AADAT: variants seen among roughly 807,000 people sequenced by gnomAD.
AADAT encodes the protein aminoadipate aminotransferase, also known as kynurenine/alpha-aminoadipate aminotransferase, mitochondrial.
Under a neutral mutation model 56.2 loss-of-function variants are expected in AADAT, and 25 were observed. The ratio of observed to expected loss-of-function variants is 0.44; its 90% CI spans 0.32 to 0.62. The LOEUF (loss-of-function observed/expected upper bound fraction) is 0.62. Ranked by LOEUF, AADAT falls within the 20% of genes least tolerant of loss-of-function variation. The pLI is 0.04. For synonymous variants in AADAT, 173 were observed against 164.7 expected (o/e 1.05, Z -0.39); for missense variants, 387 against 510.5 (o/e 0.76, Z 2.33).
chr4:170,070,246 G>A (rs1731694149), intron 6 of AADAT, among the ~76,000 whole-genome samples: 1 of 151,436 alleles, frequency 6.6e-6, no homozygotes, highest in African/African-American at 2.4e-5. Context: ...TCACATCCCT[G>A]GGTGATGTTT....
intron 2 of AADAT, 121 bp downstream of exon 2, chr4:170,088,275 A>G: frequency 1.9e-6 from 2 of 1,078,734 alleles, no homozygotes; most frequent in Non-Finnish European, 2.6e-6. Context: ...AAATGGGTCA[A>G]TGGCTTTAGA....
rs1040775617 is a variant in AADAT, at chr4:170,089,659, C to T, written c.32G>A (p.Ser11Asn). MNYARFITAA[S>N]AARNPSPIRT... is the part of the protein sequence containing the mutation. ...GATGGGAGAAGGGTTTCTGGCTGCG[C>T]TCGCTGCCGTGATGAACCGTGCGTA... The change falls in exon 1 of 13, where the codon AGC becomes AAC. Residue 11 changes from serine (S) to asparagine (N), a missense_variant. Ser to Asn is a conservative substitution (Grantham distance 46, BLOSUM62 1). Coordinates refer to ENST00000337664, the MANE Select transcript of AADAT (RefSeq NM_016228.4). 4 of 1,614,052 alleles carry T rather than the reference C, an allele frequency of 2.5e-6. No individual in the cohort carries two copies. In the African/African-American group the frequency reaches 4.0e-5, roughly 16 times the overall value.
chr4:170,083,347 G>A (rs543705255), intron 3 of AADAT, among the ~76,000 whole-genome samples: 105 of 152,094 alleles, frequency 6.9e-4, no homozygotes, highest in African/African-American at 2.5e-3. Context: ...AAATGGAAAC[G>A]CAATATACTA....
intron 4 of AADAT, among the ~76,000 whole-genome samples, chr4:170,076,536 T>G (rs1455009660): frequency 6.6e-6 from 1 of 152,228 alleles, no homozygotes; most frequent in Admixed American, 6.5e-5. Context: ...AATGTCTATT[T>G]AAGTCCTTTG....
intron 10 of AADAT, among the ~76,000 whole-genome samples, chr4:170,065,413 T>G (rs1193923999): frequency 6.6e-6 from 1 of 152,146 alleles, no homozygotes; most frequent in Non-Finnish European, 1.5e-5. Flanking sequence ...ATTACTATCT[T>G]TTTAAAAAAA....
rs928189022 is a variant in AADAT at position 170,089,792 on chromosome 4, A to T, written c.-102T>A. ...TGCCTGCTAACTCCTCACTCTGGCA[A>T]CGCCACCGCGAGATGTGTCCCCCCG... is the stretch of plus-strand genomic sequence containing the variant. On this transcript the variant is annotated 5_prime_UTR_variant, in exon 1 of 13. In the 5' UTR this introduces an upstream ATG that the reference lacks. Coordinates refer to ENST00000337664, the MANE Select transcript of AADAT (RefSeq NM_016228.4). 14 of 1,211,734 alleles carry T rather than the reference A, an allele frequency of 1.2e-5. No homozygotes were observed. The African/African-American group carries it at 2.1e-4, about 18-fold the overall frequency. 75.1% of individuals were successfully genotyped at this position (1,211,734 alleles called of 1,614,324 possible). A position where few individuals can be genotyped will look rare whatever the true frequency, so the allele number is the denominator to read the frequency against.
chr4:170,061,812 T>C (rs2111131518), intron 12 of AADAT, 80 bp downstream of exon 12: 1 of 982,846 alleles, frequency 1.0e-6, no homozygotes, highest in Non-Finnish European at 1.5e-6. Flanking sequence ...TAAGTAATAT[T>C]CTAATTCACA....
chr4:170,071,248 C>A (rs898835911), intron 5 of AADAT, among the ~76,000 whole-genome samples: 1 of 152,140 alleles, frequency 6.6e-6, no homozygotes, highest in African/African-American at 2.4e-5. Flanking sequence ...CAGAGCATTA[C>A]AACAGGTGAG....
chr4:170,072,279 GTGTATATATATGTGTGTGTGTA>G (rs1227269927), intron 5 of AADAT, among the ~76,000 whole-genome samples: 1 of 147,982 alleles, frequency 6.8e-6, no homozygotes, highest in African/African-American at 2.6e-5. Context: ...ATGTGTGTGT[GTGTATATATATGTGTGTGTGTA>G]TATATATATA....
intron 4 of AADAT, among the ~76,000 whole-genome samples, chr4:170,076,524 C>A (rs1732042238): frequency 6.6e-6 from 1 of 152,130 alleles, no homozygotes. Flanking sequence ...GTTCTTCAGA[C>A]TAATGTCTAT....
upstream of AADAT, among the ~76,000 whole-genome samples, chr4:170,092,801 C>T (rs977541398): frequency 6.6e-6 from 1 of 152,244 alleles, no homozygotes; most frequent in Non-Finnish European, 1.5e-5. Flanking sequence ...TGTAAAAACG[C>T]TATGAACATT....
rs188691401 is a variant in AADAT, at chr4:170,070,367, T to C, written c.720+220A>G. Reference sequence around the variant, plus strand: ...CAGCTACTATTTTGAAGGTAAGTAATTTCTGGAAAGAGCAGTAATACCAAA... The same window carrying C: ...CAGCTACTATTTTGAAGGTAAGTAACTTCTGGAAAGAGCAGTAATACCAAA... On this transcript the variant is annotated intron_variant, in intron 6 of 12. Coordinates refer to ENST00000337664, the MANE Select transcript of AADAT (RefSeq NM_016228.4). 11 of 396,658 alleles carry C rather than the reference T, an allele frequency of 2.8e-5. No individual in the cohort carries two copies. The Admixed American group carries it at 4.4e-4, about 16-fold the overall frequency. The allele number at this position is 396,658 out of a possible 1,614,324, so 24.6% of individuals were successfully genotyped here.
chr4:170,088,637 T>C lies in AADAT; in HGVS notation c.68-73A>G, dbSNP rs991245. On this transcript the variant is annotated intron_variant, in intron 1 of 12. Coordinates refer to ENST00000337664, the MANE Select transcript of AADAT (RefSeq NM_016228.4). ...TAAGCGGATAGTTAAGCATGCATTA[T>C]AGTCAATAAAACTATAAAGTTTAAC... 10,431 of 1,454,616 alleles carry C rather than the reference T, an allele frequency of 7.2e-3. 615 individuals are homozygous for C. The African/African-American group carries it at 0.13, about 18-fold the overall frequency. The allele number at this position is 1,454,616 out of a possible 1,614,324, so 90.1% of individuals were successfully genotyped here. A position where few individuals can be genotyped will look rare whatever the true frequency, so the allele number is the denominator to read the frequency against.
intron 5 of AADAT, 35 bp from the exon 6 acceptor site, chr4:170,070,687 T>C (rs764389779): frequency 4.4e-6 from 6 of 1,362,764 alleles, no homozygotes; most frequent in Middle Eastern, 4.5e-4. Flanking sequence ...TATTTCTTAA[T>C]CTATTTATTT....
chr4:170,068,546 TAA>T (rs1251795258), intron 8 of AADAT, 43 bp downstream of exon 8: 1 of 1,409,132 alleles, frequency 7.1e-7, no homozygotes, highest in Non-Finnish European at 9.7e-7. Flanking sequence ...TTTAAAATTC[TAA>T]TCTGATTACA....
At chr4:170,081,824 G>A (rs1159625291) in intron 3 of AADAT, among the ~76,000 whole-genome samples, 1 of 152,156 alleles carries the variant, frequency 6.6e-6, no homozygotes, top group African/African-American at 2.4e-5. Flanking sequence ...ACAGGCGTGA[G>A]CTACCATTCC....
At position 170,060,243 on chromosome 4, in the gene AADAT, A is replaced by G. The variant is rs1731132103; in HGVS notation, c.*685T>C. 6.6e-6 allele frequency: 1 copy of G among 152,158 alleles called. No homozygotes were observed. The highest frequency in any genetic ancestry group is 1.5e-5 in the Non-Finnish European group (1 of 67,998). 9.4% of individuals were successfully genotyped at this position (152,158 alleles called of 1,614,324 possible). ...TAGGTATGTTTAGTTTAAGAATTTT[A>G]TTTTAAAGGAATTTCTGTGGCATAA... On this transcript the variant is annotated 3_prime_UTR_variant, in exon 13 of 13. Coordinates refer to ENST00000337664, the MANE Select transcript of AADAT (RefSeq NM_016228.4).
At position 170,088,576 on chromosome 4, in the gene AADAT, A is replaced by G. The variant is rs767456560; in HGVS notation, c.68-12T>C. 6.3e-7 allele frequency: 1 copy of G among 1,594,666 alleles called. No individual in the cohort carries two copies. Among genetic ancestry groups the G allele is most frequent in the Admixed American group, 1.7e-5 (1 of 59,764 alleles). On this transcript the variant is annotated splice_polypyrimidine_tract_variant and intron_variant, in intron 1 of 12. Transcript: ENST00000337664. ...GCTCAATATGTCAGCTACAATACAC[A>G]TGGAAGAGAAGAAACAATTTCATTG... is the stretch of plus-strand genomic sequence containing the variant.
intron 11 of AADAT, among the ~76,000 whole-genome samples, chr4:170,062,455 C>T (rs1015011120): frequency 3.9e-5 from 6 of 152,164 alleles, no homozygotes; most frequent in Admixed American, 6.5e-5. Context: ...GGCAAAGATA[C>T]ACAGAGTAAA....
Sources: gnomAD v4.1 joint callset for allele counts (sites outside exome capture counted in the v4.1 genomes callset) on GRCh38, gnomAD v4.1.1 for gene constraint, MANE v1.5 for transcripts, NCBI Gene and HGNC (gene_info 2026-07-23, HGNC 2026-07-21) for gene names.